The following INPP5F variants were observed in gnomAD, a reference collection of about 807,000 sequenced individuals.
INPP5F encodes the protein inositol polyphosphate-5-phosphatase F, also known as phosphatidylinositide 4-phosphatase SAC2.
INPP5F carries 97 observed loss-of-function variants against 137.2 expected under a neutral mutation model. The observed-to-expected ratio is 0.71, with a 90% CI of 0.60 to 0.84. INPP5F has a LOEUF of 0.84. Among genes scored for constraint, INPP5F ranks in the 40% least tolerant of loss-of-function variants. The probability of loss-of-function intolerance (pLI) is 0.00; values close to 1 mark genes in which losing one functional copy is unlikely to be tolerated. For synonymous variants in INPP5F, 504 were observed against 476.9 expected (o/e 1.06, Z -0.74); for missense variants, 1,271 against 1,371.9 (o/e 0.93, Z 1.16).
intron 6 of INPP5F, among the ~76,000 whole-genome samples, chr10:119,792,528 T>C (rs1850182561): frequency 1.3e-5 from 2 of 151,946 alleles, no homozygotes; most frequent in Admixed American, 6.6e-5. Context: ...TTTCTACCCA[T>C]TGGGAATGTT....
chr10:119,742,820 TC>T (rs1848414694), intron 1 of INPP5F, among the ~76,000 whole-genome samples: 1 of 152,070 alleles, frequency 6.6e-6, no homozygotes, highest in African/African-American at 2.4e-5. Flanking sequence ...TGGTGAAACC[TC>T]GTCTCTACTA....
At chr10:119,769,583 A>G (rs1376937909) in intron 2 of INPP5F, among the ~76,000 whole-genome samples, 2 of 152,180 alleles carry the variant, frequency 1.3e-5, no homozygotes, top group Non-Finnish European at 2.9e-5. Flanking sequence ...CATTCTTATC[A>G]GTGTAGGTGA....
intron 1 of INPP5F, among the ~76,000 whole-genome samples, chr10:119,739,939 G>A (rs1291305687): frequency 2.6e-5 from 4 of 152,070 alleles, no homozygotes; most frequent in Non-Finnish European, 5.9e-5. Context: ...CTTTTCATTG[G>A]TTAGTTGAAA....
In INPP5F at chr10:119,781,784, A is replaced by G; in HGVS notation, c.315+13A>G. 6.3e-7 allele frequency: 1 copy of G among 1,580,054 alleles called. No individual in the cohort carries two copies. The highest frequency in any genetic ancestry group is 8.6e-7 in the Non-Finnish European group (1 of 1,156,906). ...TCTTGAGCTAGAGGTAGGTGAAATA[A>G]AGGGAAATTATATGGAAACCTGATA... On this transcript the variant is annotated intron_variant, in intron 3 of 19. Coordinates refer to ENST00000650623, the MANE Select transcript of INPP5F (RefSeq NM_014937.4).
At chr10:119,755,755 G>A (rs1848821572) in intron 2 of INPP5F, among the ~76,000 whole-genome samples, 2 of 152,206 alleles carry the variant, frequency 1.3e-5, no homozygotes, top group Admixed American at 1.3e-4. Context: ...CTCGAATCAG[G>A]TGACCTCATT....
intron 19 of INPP5F, among the ~76,000 whole-genome samples, chr10:119,825,206 C>G (rs1463630878): frequency 1.3e-5 from 2 of 152,126 alleles, no homozygotes; most frequent in Non-Finnish European, 2.9e-5. Flanking sequence ...ATGACAGATA[C>G]CTTTGTCATG....
In INPP5F at chr10:119,771,976, A is replaced by G. The variant is rs559727121; in HGVS notation, c.179-9659A>G. ...AGTGGCGCGATCTCGGCTCACTGCAAGCTCCATCTCCCGGGTTCACACGCC... is the reference window on the plus strand; with the variant it reads ...AGTGGCGCGATCTCGGCTCACTGCAGGCTCCATCTCCCGGGTTCACACGCC... On this transcript the variant is annotated intron_variant, in intron 2 of 19. Transcript: ENST00000650623. 3.7e-4 allele frequency among the ~76,000 whole-genome samples: 51 copies of G among 136,674 alleles called. 1 individual carries two copies. The South Asian group carries it at 0.011, about 30-fold the overall frequency. The allele number at this position is 136,674 out of a possible 152,430, so 89.7% of individuals were successfully genotyped here.
At position 119,820,910 on chromosome 10, in the gene INPP5F, G is replaced by A. The variant is rs372551193; in HGVS notation, c.1951G>A (p.Val651Met). The A allele has an allele frequency of 1.0e-5, 16 of 1,598,070 alleles. No individual in the cohort carries two copies. The highest frequency in any genetic ancestry group is 1.7e-4 in the Middle Eastern group (1 of 6,044). ...LLLLSNSAYY[V>M]AYYDDEVDKV... is the part of the protein sequence containing the mutation. The stretch of plus-strand genomic sequence containing the variant: ...ACTGCTTTCTAACTCTGCCTACTAC[G>A]TGGCCTAGTAAGTTGCTTATTGATT... Residue 651 changes from valine (V) to methionine (M), a missense_variant, in exon 16 of 20, where the codon GTG becomes ATG. By Grantham distance (21) the Val-to-Met change is conservative. Coordinates refer to ENST00000650623, the MANE Select transcript of INPP5F (RefSeq NM_014937.4).
At chr10:119,740,550 T>TC (rs1848342407) in intron 1 of INPP5F, among the ~76,000 whole-genome samples, 1 of 152,238 alleles carries the variant, frequency 6.6e-6, no homozygotes, top group Admixed American at 6.5e-5. Context: ...CATACTTTTT[T>TC]CTTTTTTTTT....
intron 2 of INPP5F, among the ~76,000 whole-genome samples, chr10:119,763,751 A>G (rs536508901): frequency 6.6e-6 from 1 of 152,244 alleles, no homozygotes; most frequent in South Asian, 2.1e-4. Flanking sequence ...ATTTTTGCTT[A>G]ACAACTCTGT....
intron 2 of INPP5F, among the ~76,000 whole-genome samples, chr10:119,756,760 A>T (rs550310058): frequency 6.6e-6 from 1 of 151,920 alleles, no homozygotes; most frequent in Admixed American, 6.6e-5. Context: ...TTATTTTGTA[A>T]TCCACACATT....
chr10:119,802,750 A>G (rs748344250), intron 9 of INPP5F, among the ~76,000 whole-genome samples: 14 of 152,216 alleles, frequency 9.2e-5, no homozygotes, highest in Non-Finnish European at 1.6e-4. Flanking sequence ...GACATTATGT[A>G]TATTTAAATT....
chr10:119,759,494 A>T (rs950150955), intron 2 of INPP5F, among the ~76,000 whole-genome samples: 3 of 151,752 alleles, frequency 2.0e-5, no homozygotes, highest in Non-Finnish European at 4.4e-5. Context: ...GGTTTAAGCG[A>T]TTCTTGTGCC....
chr10:119,821,976 C>G (rs1265247721), intron 16 of INPP5F, among the ~76,000 whole-genome samples: 1 of 141,704 alleles, frequency 7.1e-6, no homozygotes, highest in Non-Finnish European at 1.5e-5. Flanking sequence ...TCAAGTGATT[C>G]TCCTCCTGGG....
At chr10:119,730,172 C>T (rs954789359) in intron 1 of INPP5F, among the ~76,000 whole-genome samples, 6 of 151,826 alleles carry the variant, frequency 4.0e-5, no homozygotes, top group African/African-American at 9.7e-5. Context: ...TGCAATGGTG[C>T]GATCTCGGCT....
intron 17 of INPP5F, 85 bp from the exon 18 acceptor site, chr10:119,822,986 A>G: frequency 7.4e-7 from 1 of 1,345,690 alleles, no homozygotes; most frequent in Non-Finnish European, 1.0e-6. Flanking sequence ...TATTATGAAG[A>G]AAAATGTGTT....
chr10:119,758,180 TG>T (rs947323956), intron 2 of INPP5F, among the ~76,000 whole-genome samples: 15 of 152,282 alleles, frequency 9.9e-5, no homozygotes, highest in Non-Finnish European at 4.4e-5. Context: ...AAGACAAGTG[TG>T]GGGTGCTGTG....
At chr10:119,825,318 A>G (rs1393676475) in intron 19 of INPP5F, among the ~76,000 whole-genome samples, 1 of 152,216 alleles carries the variant, frequency 6.6e-6, no homozygotes, top group African/African-American at 2.4e-5. Flanking sequence ...TAACAGTGCC[A>G]TACAAAGGTT....
chr10:119,729,744 ATTT>A (rs34359657), intron 1 of INPP5F, among the ~76,000 whole-genome samples: 4 of 128,220 alleles, frequency 3.1e-5, no homozygotes, highest in Non-Finnish European at 3.3e-5. Context: ...CACCTGGCTA[ATTT>A]TTTTTTTTTT....
Sources: allele counts gnomAD v4.1 joint callset (sites outside exome capture counted in the v4.1 genomes callset), GRCh38; gene constraint gnomAD v4.1.1; transcripts MANE v1.5; gene names NCBI Gene and HGNC (gene_info 2026-07-23, HGNC 2026-07-21).